SLC4A4: variants seen among roughly 807,000 people sequenced by gnomAD.
SLC4A4 encodes the protein electrogenic sodium bicarbonate cotransporter 1.
In SLC4A4, 27 loss-of-function variants were observed where a neutral mutation model predicts 111.5. The observed-to-expected ratio is 0.24, with a 90% CI of 0.18 to 0.33. The LOEUF (loss-of-function observed/expected upper bound fraction) is 0.33. Among genes scored for constraint, SLC4A4 ranks in the 10% least tolerant of loss-of-function variants. SLC4A4 has a pLI of 1.00. For synonymous variants in SLC4A4, 443 were observed against 463.4 expected, an observed-to-expected ratio of 0.96 and a Z score of 0.57; for missense variants, 909 against 1,315.5, an observed-to-expected ratio of 0.69 and a Z score of 4.78.
intron 6 of SLC4A4, among the ~76,000 whole-genome samples, chr4:71,362,373 A>AT (rs1201005762): frequency 6.6e-6 from 1 of 152,192 alleles, no homozygotes; most frequent in Non-Finnish European, 1.5e-5. Context: ...GTTGCTCTTG[A>AT]TGTCTGTGAA....
intron 12 of SLC4A4, among the ~76,000 whole-genome samples, chr4:71,459,778 T>C (rs986743063): frequency 6.6e-6 from 1 of 152,108 alleles, no homozygotes; most frequent in Non-Finnish European, 1.5e-5. Flanking sequence ...AGTTCATATG[T>C]CTACCAATAA....
chr4:71,423,587 A>G (rs1448470610), intron 7 of SLC4A4, among the ~76,000 whole-genome samples: 1 of 152,142 alleles, frequency 6.6e-6, no homozygotes, highest in Non-Finnish European at 1.5e-5. Context: ...CTGACTTCAA[A>G]CTATACTACA....
chr4:71,540,475 C>T (rs929516151), intron 18 of SLC4A4, among the ~76,000 whole-genome samples: 2 of 152,086 alleles, frequency 1.3e-5, no homozygotes, highest in Admixed American at 6.6e-5. Context: ...ATAGAACAAC[C>T]GTTTGGTTTG....
intron 1 of SLC4A4, among the ~76,000 whole-genome samples, chr4:71,212,171 A>C (rs1428205676): frequency 1.3e-5 from 2 of 152,162 alleles, no homozygotes; most frequent in African/African-American, 4.8e-5. Context: ...TTTAGGTCTA[A>C]TTTTAAAATT....
At chr4:71,273,092 T>C (rs907731215) in intron 3 of SLC4A4, among the ~76,000 whole-genome samples, 1 of 152,308 alleles carries the variant, frequency 6.6e-6, no homozygotes, top group Admixed American at 6.5e-5. Context: ...GAATGCTTGA[T>C]AAGAAATAGC....
chr4:71,359,274 A>G (rs1010285545), intron 6 of SLC4A4, among the ~76,000 whole-genome samples: 1 of 152,236 alleles, frequency 6.6e-6, no homozygotes, highest in Non-Finnish European at 1.5e-5. Flanking sequence ...GAAATGTTAT[A>G]TATGCTGGGC....
chr4:71,176,016 C>T (rs1745084481), intron 2 of SLC4A4, among the ~76,000 whole-genome samples: 1 of 152,190 alleles, frequency 6.6e-6, no homozygotes, highest in Non-Finnish European at 1.5e-5. Flanking sequence ...ATTTGCTGTT[C>T]ACCAATATCC....
intron 15 of SLC4A4, among the ~76,000 whole-genome samples, chr4:71,495,774 G>T (rs1458329359): frequency 6.6e-6 from 1 of 152,028 alleles, no homozygotes; most frequent in African/African-American, 2.4e-5. Context: ...ACATTTATTT[G>T]CAAGGTGTTT....
intron 16 of SLC4A4, among the ~76,000 whole-genome samples, chr4:71,519,128 A>G (rs1732690972): frequency 6.6e-6 from 1 of 152,216 alleles, no homozygotes; most frequent in African/African-American, 2.4e-5. Flanking sequence ...AAAGTATTTT[A>G]ATCAGTGCCT....
intron 1 of SLC4A4, among the ~76,000 whole-genome samples, chr4:71,087,351 A>AT: frequency 6.6e-6 from 1 of 151,894 alleles, no homozygotes; most frequent in South Asian, 2.1e-4. Context: ...TTTTCAAAAA[A>AT]CCAGCTCCTG....
chr4:71,311,934 A>AGAGAGAGAGAGG (rs56836673), intron 3 of SLC4A4, among the ~76,000 whole-genome samples: 1 of 131,904 alleles, frequency 7.6e-6, no homozygotes, highest in East Asian at 2.3e-4. Context: ...AGAGAGAGAG[A>AGAGAGAGAGAGG]AGGAGATAGA....
rs1004513904 is a variant in SLC4A4, at chr4:71,487,996, A to G, written c.1974+978A>G. Among the ~76,000 whole-genome samples, 4 of 151,576 alleles carry G rather than the reference A, an allele frequency of 2.6e-5. No individual in the cohort carries two copies. In the East Asian group the frequency reaches 7.8e-4, roughly 29 times the overall value. ...TATATGTTTTACCACATGCATACAGAAAGGAGTTCAACTTTCAGTCTTTCA... is the reference window on the plus strand; with the variant it reads ...TATATGTTTTACCACATGCATACAGGAAGGAGTTCAACTTTCAGTCTTTCA... On this transcript the variant is annotated intron_variant, in intron 15 of 25. Coordinates refer to ENST00000264485, the MANE Select transcript of SLC4A4 (RefSeq NM_001098484.3).
chr4:71,280,043 C>T (rs1353644399), intron 3 of SLC4A4, among the ~76,000 whole-genome samples: 1 of 152,218 alleles, frequency 6.6e-6, no homozygotes, highest in African/African-American at 2.4e-5. Context: ...ATCTGCCCAC[C>T]TTGGCCTCCC....
intron 12 of SLC4A4, among the ~76,000 whole-genome samples, chr4:71,465,736 T>C (rs1036573094): frequency 1.3e-5 from 2 of 151,884 alleles, no homozygotes; most frequent in Non-Finnish European, 2.9e-5. Context: ...AGGAAAATGA[T>C]GGGTTGATTT....
chr4:71,206,699 C>G (rs1717789356), intron 1 of SLC4A4, among the ~76,000 whole-genome samples: 1 of 152,022 alleles, frequency 6.6e-6, no homozygotes, highest in Admixed American at 6.6e-5. Context: ...AACTGAGGGC[C>G]TGGGGCTGAA....
chr4:71,545,520 C>T (rs912064007), intron 18 of SLC4A4, among the ~76,000 whole-genome samples: 2 of 151,874 alleles, frequency 1.3e-5, no homozygotes, highest in Non-Finnish European at 2.9e-5. Context: ...AGAAATAGAA[C>T]CATAGAATAA....
At chr4:71,076,257 G>T (rs187168032) in intron 1 of SLC4A4, among the ~76,000 whole-genome samples, 101 of 152,216 alleles carry the variant, frequency 6.6e-4, no homozygotes, top group Non-Finnish European at 1.1e-3. Flanking sequence ...ATGAATAAAA[G>T]AATCTACTTT....
chr4:71,227,555 A>G (rs898604287), intron 1 of SLC4A4, among the ~76,000 whole-genome samples: 1 of 152,170 alleles, frequency 6.6e-6, no homozygotes, highest in Non-Finnish European at 1.5e-5. Context: ...GTGGGCTTTC[A>G]GCTGTAGATA....
At chr4:71,212,879 T>C (rs1323825084) in intron 1 of SLC4A4, among the ~76,000 whole-genome samples, 3 of 152,186 alleles carry the variant, frequency 2.0e-5, no homozygotes, top group Non-Finnish European at 4.4e-5. Flanking sequence ...TAACGATGTT[T>C]TGGTCAATGA....
Sources: allele counts gnomAD v4.1 joint callset (sites outside exome capture counted in the v4.1 genomes callset), GRCh38; gene constraint gnomAD v4.1.1; transcripts MANE v1.5; gene names NCBI Gene and HGNC (gene_info 2026-07-23, HGNC 2026-07-21).